ITPRID2: variants seen among roughly 807,000 people sequenced by gnomAD.
ITPRID2 encodes the protein protein ITPRID2.
ITPRID2 carries 60 observed loss-of-function variants against 124.3 expected under a neutral mutation model. The observed-to-expected ratio is 0.48, with a 90% CI of 0.39 to 0.60. The LOEUF (loss-of-function observed/expected upper bound fraction) is 0.60, where lower values mean the gene tolerates loss of function less well. Ranked by LOEUF, ITPRID2 falls within the 20% of genes least tolerant of loss-of-function variation. The pLI is 0.00. For missense variants in ITPRID2, 1,553 were observed against 1,512.2 expected, an observed-to-expected ratio of 1.03 and a Z score of -0.45; for synonymous variants, 521 against 542.9, an observed-to-expected ratio of 0.96 and a Z score of 0.56.
rs1181135277 is a variant in ITPRID2 at position 181,930,530 on chromosome 2, G to A, written c.*983G>A. 3.9e-5 allele frequency: 6 copies of A among 152,406 alleles called. No individual in the cohort carries two copies. Among genetic ancestry groups the A allele is most frequent in the Admixed American group, 3.9e-4 (6 of 15,264 alleles). The allele number at this position is 152,406 out of a possible 1,614,324, so 9.4% of individuals were successfully genotyped here. ...TAAATGTGTAAAGTAACCACCAAATGTTATTAGAATTTTTCTTCTAGCATT... is the reference window on the plus strand; with the variant it reads ...TAAATGTGTAAAGTAACCACCAAATATTATTAGAATTTTTCTTCTAGCATT... On this transcript the variant is annotated 3_prime_UTR_variant, in exon 18 of 18. Coordinates refer to ENST00000431877, the MANE Select transcript of ITPRID2 (RefSeq NM_001130445.3).
In ITPRID2 at chr2:181,892,731, C is replaced by T. The variant is rs1323593686; in HGVS notation, c.257+71C>T. The T allele has an allele frequency of 6.3e-7, 1 of 1,579,350 alleles. No individual in the cohort carries two copies. Among genetic ancestry groups the T allele is most frequent in the Non-Finnish European group, 8.7e-7 (1 of 1,150,496 alleles). ...GACGGGACGCCGGAGCAGAGCCACT[C>T]GGGCCGCGTCCCTGTGGGTCCCGCG... On this transcript the variant is annotated intron_variant, in intron 2 of 17. Transcript: ENST00000431877. The surrounding 1 kb of genome is among the most constrained non-coding windows in gnomAD (Gnocchi z 5.2).
At chr2:181,894,651 A>T (rs528663459) in intron 2 of ITPRID2, 1 of 152,160 alleles carries the variant, frequency 6.6e-6, no homozygotes, top group Non-Finnish European at 1.5e-5. Flanking sequence ...TTTGTTTCTT[A>T]GTGCCGTCCA....
In ITPRID2 at chr2:181,907,100, T is replaced by C. The variant is rs1037697047; in HGVS notation, c.1414-2799T>C. 2.6e-5 allele frequency among the ~76,000 whole-genome samples: 4 copies of C among 152,230 alleles called. No homozygotes were observed. Among genetic ancestry groups the C allele is most frequent in the African/African-American group, 9.6e-5 (4 of 41,458 alleles). On this transcript the variant is annotated intron_variant, in intron 8 of 17. Transcript: ENST00000431877. The surrounding 1 kb of genome is among the most constrained non-coding windows in gnomAD (Gnocchi z 5.1). ...AGCTATACAGTCTCTTTTTAAACTT[T>C]AGAGGAAGGGTTATTTGAGTTAGAA...
chr2:181,898,720 A>G (rs1692414295), intron 4 of ITPRID2, 160 bp from the exon 5 acceptor site: 1 of 669,572 alleles, frequency 1.5e-6, no homozygotes, highest in Non-Finnish European at 2.6e-6. Flanking sequence ...CTATCTGTAT[A>G]TCACTTTTAA....
At chr2:181,897,695 C>CT (rs1381573872) in intron 4 of ITPRID2, among the ~76,000 whole-genome samples, 2 of 151,558 alleles carry the variant, frequency 1.3e-5, no homozygotes, top group Admixed American at 6.6e-5. Flanking sequence ...TTAATGTGTA[C>CT]TTTTTTAAAA....
intron 6 of ITPRID2, 38 bp from the exon 7 acceptor site, chr2:181,900,658 T>C (rs778336384): frequency 2.1e-6 from 3 of 1,421,082 alleles, no homozygotes; most frequent in African/African-American, 2.9e-5. Context: ...ATTTATTTTA[T>C]ATTTTCATGT....
Position 181,892,795 on chromosome 2 carries a change from T to C in ITPRID2, c.257+135T>C. 1.0e-6 allele frequency: 1 copy of C among 966,628 alleles called. No individual in the cohort carries two copies. Among genetic ancestry groups the C allele is most frequent in the Non-Finnish European group, 1.6e-6 (1 of 625,990 alleles). 59.9% of individuals were successfully genotyped at this position (966,628 alleles called of 1,614,324 possible). A position where few individuals can be genotyped will look rare whatever the true frequency, so the allele number is the denominator to read the frequency against. On this transcript the variant is annotated intron_variant, in intron 2 of 17. Coordinates refer to ENST00000431877, the MANE Select transcript of ITPRID2 (RefSeq NM_001130445.3). The surrounding 1 kb of genome is among the most constrained non-coding windows in gnomAD (Gnocchi z 5.2). ...ACAAACCGGAAAGTGAGCCGGCGGA[T>C]AGCTTCCTCCTCTAAGCGATTAGAA...
In ITPRID2 at chr2:181,929,807, G is replaced by A. The variant is rs1051085; in HGVS notation, c.*260G>A. ...AAGCCTAATATTTATTTGTATGTCA[G>A]TATTTTTCATTTGATTCCCTATTAG... is the stretch of plus-strand genomic sequence containing the variant. On this transcript the variant is annotated 3_prime_UTR_variant, in exon 18 of 18. Transcript: ENST00000431877. 0.87 allele frequency: 396,500 copies of A among 456,972 alleles called. 173,170 individuals are homozygous for A. Among genetic ancestry groups the A allele is most frequent in the East Asian group, 0.98 (28,707 of 29,316 alleles). The allele number at this position is 456,972 out of a possible 1,614,324, so 28.3% of individuals were successfully genotyped here.
In ITPRID2 at chr2:181,905,063, T is replaced by C. The variant is rs1244821037; in HGVS notation, c.1413+2597T>C. ...TTATAACGATGTTTTTTCTTTTTTT[T>C]TTTTTTTTGAGACGGAGTCGCGCAT... On this transcript the variant is annotated intron_variant, in intron 8 of 17. Transcript: ENST00000431877. This position sits in a 1 kb window ranked among gnomAD's most constrained non-coding sequence, Gnocchi z 4.1. Among the ~76,000 whole-genome samples the C allele has an allele frequency of 6.6e-6, 1 of 151,416 alleles. No individual in the cohort carries two copies. The highest frequency in any genetic ancestry group is 2.4e-5 in the African/African-American group (1 of 41,170).
chr2:181,907,460 T>A lies in ITPRID2; in HGVS notation c.1414-2439T>A, dbSNP rs79114811. ...TTGGTTTAGTGGTTTTTTTTTTTTT[T>A]TATATTATGAAACAGTTTTGTTATG... On this transcript the variant is annotated intron_variant, in intron 8 of 17. Transcript: ENST00000431877. The surrounding 1 kb of genome is among the most constrained non-coding windows in gnomAD (Gnocchi z 5.1). Among the ~76,000 whole-genome samples the A allele has an allele frequency of 4.0e-5, 6 of 151,374 alleles. No individual in the cohort carries two copies. Among genetic ancestry groups the A allele is most frequent in the Admixed American group, 2.6e-4 (4 of 15,214 alleles).
intron 15 of ITPRID2, among the ~76,000 whole-genome samples, chr2:181,921,562 G>A (rs1479226039): frequency 6.6e-6 from 1 of 152,174 alleles, no homozygotes; most frequent in Non-Finnish European, 1.5e-5. Flanking sequence ...TAGGTAGTTA[G>A]AGCTGTAACA....
Position 181,916,161 on chromosome 2 carries a change from C to G in ITPRID2, c.2521C>G (p.Gln841Glu). ...ACGGCTTGCTCCACCACCAATGTCT[C>G]AGTCTACCTGTTCCCTTCATTCCAT... ...CSRLAPPPMSQSTCSLHSIHS... is the reference protein window; with the variant it reads ...CSRLAPPPMSESTCSLHSIHS... Residue 841 changes from glutamine (Q) to glutamate (E), a missense_variant, in exon 11 of 18, where the codon CAG (glutamine) becomes GAG (glutamate). Coordinates refer to ENST00000431877, the MANE Select transcript of ITPRID2 (RefSeq NM_001130445.3). 6.2e-7 allele frequency: 1 copy of G among 1,614,226 alleles called. No homozygotes were observed. Among genetic ancestry groups the G allele is most frequent in the East Asian group, 2.2e-5 (1 of 44,888 alleles).
At chr2:181,897,240 CT>C (rs1402064532) in intron 4 of ITPRID2, among the ~76,000 whole-genome samples, 2 of 151,896 alleles carry the variant, frequency 1.3e-5, no homozygotes, top group African/African-American at 2.4e-5. Flanking sequence ...GGTAATATAA[CT>C]GAGGGAAGAA....
At chr2:181,925,807 T>G (rs1364666373) in intron 16 of ITPRID2, among the ~76,000 whole-genome samples, 1 of 151,660 alleles carries the variant, frequency 6.6e-6, no homozygotes, top group Admixed American at 6.6e-5. Context: ...TGAGACCGTC[T>G]TGCTACAGAG....
chr2:181,913,808 T>A (rs760348653), intron 9 of ITPRID2, 37 bp from the exon 10 acceptor site: 1 of 1,473,694 alleles, frequency 6.8e-7, no homozygotes, highest in South Asian at 1.2e-5. Flanking sequence ...TATTTATAGA[T>A]CATCTGTTTC....
intron 16 of ITPRID2, among the ~76,000 whole-genome samples, chr2:181,927,457 C>T (rs1170675743): frequency 1.3e-5 from 2 of 152,266 alleles, no homozygotes; most frequent in East Asian, 1.9e-4. Context: ...ATTGTCATTT[C>T]CTCAGGTCTG....
In ITPRID2 at chr2:181,907,451, T is replaced by G. The variant is rs1359899818; in HGVS notation, c.1414-2448T>G. Among the ~76,000 whole-genome samples, 6 of 151,920 alleles carry G rather than the reference T, an allele frequency of 3.9e-5. No homozygotes were observed. The highest frequency in any genetic ancestry group is 1.4e-4 in the African/African-American group (6 of 41,402). ...TTTATCACTTTGGTTTAGTGGTTTTTTTTTTTTTTTATATTATGAAACAGT... is the reference window on the plus strand; with the variant it reads ...TTTATCACTTTGGTTTAGTGGTTTTGTTTTTTTTTTATATTATGAAACAGT... On this transcript the variant is annotated intron_variant, in intron 8 of 17. Coordinates refer to ENST00000431877, the MANE Select transcript of ITPRID2 (RefSeq NM_001130445.3). This position sits in a 1 kb window ranked among gnomAD's most constrained non-coding sequence, Gnocchi z 5.1.
Position 181,916,221 on chromosome 2 carries a change from C to A in ITPRID2, c.2581C>A (p.His861Asn). The change falls in exon 11 of 18, where the codon CAC becomes AAC. Residue 861 changes from histidine to asparagine, a missense_variant. His to Asn is a moderately conservative substitution (Grantham distance 68, BLOSUM62 1). Transcript: ENST00000431877. Reference sequence around the variant, plus strand: ...GTGGCAAGAAAGGCCCCTGTGTGAGCACACAAGAACTCTGAGCACTCACAG... The same window carrying A: ...GTGGCAAGAAAGGCCCCTGTGTGAGAACACAAGAACTCTGAGCACTCACAG... The part of the protein sequence containing the change: ...SEWQERPLCE[H>N]TRTLSTHSVP... The A allele has an allele frequency of 6.2e-7, 1 of 1,614,190 alleles. No homozygotes were observed. Among genetic ancestry groups the A allele is most frequent in the Non-Finnish European group, 8.5e-7 (1 of 1,180,030 alleles).
At chr2:181,908,433 G>A (rs531435635) in intron 8 of ITPRID2, among the ~76,000 whole-genome samples, 2 of 152,264 alleles carry the variant, frequency 1.3e-5, no homozygotes, top group South Asian at 2.1e-4. Context: ...CTGAATAGAA[G>A]CTAATAATAG....
Sources: gnomAD v4.1 joint callset for allele counts (sites outside exome capture counted in the v4.1 genomes callset) on GRCh38, gnomAD v4.1.1 for gene constraint, Gnocchi (gnomAD v3.1) non-coding constraint, MANE v1.5 for transcripts, NCBI Gene and HGNC (gene_info 2026-07-23, HGNC 2026-07-21) for gene names.